ERCC1: variants seen among roughly 807,000 people sequenced by gnomAD.
The protein encoded by ERCC1 is ERCC excision repair 1, endonuclease non-catalytic subunit.
ERCC1 carries 36 observed loss-of-function variants against 37.6 expected under a neutral mutation model. That is an observed-to-expected ratio of 0.96 (90% CI 0.73 to 1.26). ERCC1 has a LOEUF of 1.26. Ranked by LOEUF, ERCC1 falls within the 50% of genes most tolerant of loss-of-function variation. ERCC1 has a pLI of 0.00. For missense variants in ERCC1, 349 were observed against 376.5 expected (o/e 0.93, Z 0.60); for synonymous variants, 156 against 162.1 (o/e 0.96, Z 0.28).
At chr19:45,411,123 C>CAG (rs1278770866) in intron 9 of ERCC1, among the ~76,000 whole-genome samples, 2 of 152,230 alleles carry the variant, frequency 1.3e-5, no homozygotes, top group Non-Finnish European at 2.9e-5. Flanking sequence ...CGCGCCCAGC[C>CAG]AGGATCTCAT....
At chr19:45,447,272 T>C (rs80281678) in intron 1 of ERCC1, among the ~76,000 whole-genome samples, 1 of 40,292 alleles carries the variant, frequency 2.5e-5, no homozygotes, top group Non-Finnish European at 3.7e-5. Context: ...ATTTGCTTCT[T>C]TTTTTTTTTT....
upstream of ERCC1, among the ~76,000 whole-genome samples, chr19:45,425,277 C>T (rs1332043068): frequency 6.6e-6 from 1 of 151,606 alleles, no homozygotes; most frequent in South Asian, 2.1e-4. Context: ...ATAAAAGCCC[C>T]GTGTTGTCCT....
intron 1 of ERCC1, among the ~76,000 whole-genome samples, chr19:45,447,215 CCTT>C (rs1966973117): frequency 6.6e-6 from 1 of 151,900 alleles, no homozygotes; most frequent in South Asian, 2.1e-4. Context: ...GGAAATGTGG[CCTT>C]CTGCTCTGGG....
At chr19:45,434,451 C>A (rs926020587) in intron 1 of ERCC1, among the ~76,000 whole-genome samples, 2 of 151,878 alleles carry the variant, frequency 1.3e-5, no homozygotes, top group African/African-American at 4.8e-5. Flanking sequence ...ATGATCATGA[C>A]AATGCACTCC....
intron 5 of ERCC1, among the ~76,000 whole-genome samples, chr19:45,417,575 G>A (rs965145469): frequency 6.6e-6 from 1 of 152,132 alleles, no homozygotes. Context: ...ATTCCATGAG[G>A]AGCATGGAAT....
chr19:45,446,729 G>A (rs1432762924), intron 1 of ERCC1, among the ~76,000 whole-genome samples: 1 of 152,184 alleles, frequency 6.6e-6, no homozygotes, highest in African/African-American at 2.4e-5. Context: ...GCCGGGAGAG[G>A]TGGCTCACAA....
Position 45,413,868 on chromosome 19 carries a change from G to T in ERCC1, c.774+95C>A, listed in dbSNP as rs3212975. 3.9e-3 allele frequency: 6,109 copies of T among 1,568,818 alleles called. 19 individuals carry two copies. The highest frequency in any genetic ancestry group is 4.8e-3 in the Non-Finnish European group (5,484 of 1,140,360). The stretch of plus-strand genomic sequence containing the variant: ...GCCTGTGGGAAGGCAGGACGGGCAA[G>T]GGGTGGGCAGGGAGATGGAAGGAAA... On this transcript the variant is annotated intron_variant, in intron 8 of 9. Coordinates refer to ENST00000300853, the MANE Select transcript of ERCC1 (RefSeq NM_001983.4).
Position 45,409,379 on chromosome 19 carries a change from C to T in ERCC1, c.*296G>A, listed in dbSNP as rs1357230199. 6 of 1,613,942 alleles carry T rather than the reference C, an allele frequency of 3.7e-6. No individual in the cohort carries two copies. The highest frequency in any genetic ancestry group is 1.7e-6 in the Non-Finnish European group (2 of 1,180,034). ...GAGGAAGAAGCAGAGTCAGGAAAGC[C>T]GGATGCCAGAGACAGTGCCCCAAGA... On this transcript the variant is annotated 3_prime_UTR_variant, in exon 10 of 10. Coordinates refer to ENST00000300853, the MANE Select transcript of ERCC1 (RefSeq NM_001983.4).
chr19:45,433,688 T>TA (rs529620736), intron 1 of ERCC1, among the ~76,000 whole-genome samples: 169 of 133,266 alleles, frequency 1.3e-3, no homozygotes, highest in Admixed American at 2.0e-3. Flanking sequence ...ACTCTGTCTT[T>TA]AAAAAAAAAA....
intron 1 of ERCC1, among the ~76,000 whole-genome samples, chr19:45,432,877 A>C (rs1974870259): frequency 6.6e-6 from 1 of 150,782 alleles, no homozygotes; most frequent in Non-Finnish European, 1.5e-5. Flanking sequence ...GACCAGCCTG[A>C]CCAACATGAC....
At chr19:45,416,568 G>C (rs898619090) in intron 6 of ERCC1, 1 of 474,270 alleles carries the variant, frequency 2.1e-6, no homozygotes, top group Non-Finnish European at 3.8e-6. Flanking sequence ...AGAATTGCTT[G>C]AACCCCCAAG....
Position 45,418,096 on chromosome 19 carries a change from G to C in ERCC1, c.525+1002C>G, listed in dbSNP as rs1974169589. Among the ~76,000 whole-genome samples, 2 of 152,040 alleles carry C rather than the reference G, an allele frequency of 1.3e-5. 1 individual carries two copies. Among genetic ancestry groups the C allele is most frequent in the South Asian group, 4.1e-4 (2 of 4,822 alleles). On this transcript the variant is annotated intron_variant, in intron 5 of 9. Coordinates refer to ENST00000300853, the MANE Select transcript of ERCC1 (RefSeq NM_001983.4). The stretch of plus-strand genomic sequence containing the variant: ...AAAAAAAAATCACCTGGTGGGGGTG[G>C]CTCACACCTGTAATCCCAACACTTT...
In ERCC1 at chr19:45,413,695, T is replaced by C; in HGVS notation, c.825A>G (p.Pro275=). 1.2e-6 allele frequency: 2 copies of C among 1,614,154 alleles called. No homozygotes were observed. The highest frequency in any genetic ancestry group is 1.7e-6 in the Non-Finnish European group (2 of 1,180,034). ...CTCTTACTTTCTGAGGGCCCAGGCCTGGGCATAAGGCCAGATCTTCTCTTG... is the reference window on the plus strand; with the variant it reads ...CTCTTACTTTCTGAGGGCCCAGGCCCGGGCATAAGGCCAGATCTTCTCTTG... ...AASREDLALC[P]GLGPQKARRL... Residue 275 remains proline, a synonymous_variant, in exon 9 of 10, where the codon CCA becomes CCG. Coordinates refer to ENST00000300853, the MANE Select transcript of ERCC1 (RefSeq NM_001983.4).
At chr19:45,447,072 T>A (rs916005871) in intron 1 of ERCC1, among the ~76,000 whole-genome samples, 13 of 151,946 alleles carry the variant, frequency 8.6e-5, no homozygotes, top group Admixed American at 8.5e-4. Flanking sequence ...TAGAGGCAGG[T>A]TGGCACAGGC....
At chr19:45,440,017 G>A (rs1290847700) in intron 1 of ERCC1, among the ~76,000 whole-genome samples, 1 of 152,116 alleles carries the variant, frequency 6.6e-6, no homozygotes, top group African/African-American at 2.4e-5. Context: ...GGAGCGGAAG[G>A]GGGAGCGCGC....
intron 2 of ERCC1, among the ~76,000 whole-genome samples, chr19:45,422,180 G>A (rs963620494): frequency 1.3e-5 from 2 of 151,928 alleles, no homozygotes; most frequent in African/African-American, 2.4e-5. Context: ...AGAGCTGGTG[G>A]GTGGCTCCTG....
chr19:45,431,042 T>C (rs1330096369), intron 1 of ERCC1, among the ~76,000 whole-genome samples: 1 of 152,112 alleles, frequency 6.6e-6, no homozygotes, highest in African/African-American at 2.4e-5. Context: ...AACCTCCACC[T>C]CCCGTGTTCA....
chr19:45,418,701 T>C (rs1401364609), intron 5 of ERCC1, among the ~76,000 whole-genome samples: 1 of 151,720 alleles, frequency 6.6e-6, no homozygotes, highest in East Asian at 1.9e-4. Flanking sequence ...TGCATGCCTA[T>C]AATCCCAGCT....
At chr19:45,411,660 A>T (rs953680333) in intron 9 of ERCC1, among the ~76,000 whole-genome samples, 1 of 151,820 alleles carries the variant, frequency 6.6e-6, no homozygotes, top group East Asian at 2.0e-4. Context: ...TGGGCATGGT[A>T]GCGAGTGCCT....
Sources: allele counts gnomAD v4.1 joint callset (sites outside exome capture counted in the v4.1 genomes callset), GRCh38; gene constraint gnomAD v4.1.1; transcripts MANE v1.5; gene names NCBI Gene and HGNC (gene_info 2026-07-23, HGNC 2026-07-21).